The following DMD variants were observed in gnomAD, a reference collection of about 807,000 sequenced individuals.
DMD encodes the protein mutant dystrophin.
Under a neutral mutation model 330.1 loss-of-function variants are expected in DMD, and 63 were observed. The ratio of observed to expected loss-of-function variants is 0.19; its 90% CI spans 0.16 to 0.24. The LOEUF (loss-of-function observed/expected upper bound fraction) is 0.24, where lower values mean the gene tolerates loss of function less well. Ranked by LOEUF, DMD falls within the 10% of genes least tolerant of loss-of-function variation. The pLI, the probability that DMD is intolerant of heterozygous loss-of-function variation, is 1.00. For synonymous variants in DMD, 1,223 were observed against 959.8 expected (o/e 1.27, Z -5.07); for missense variants, 3,344 against 2,684.1 (o/e 1.25, Z -5.43).
rs1030609180 is a variant in DMD, at chrX:31,888,314, G to A, written c.6913-12941C>T. On this transcript the variant is annotated intron_variant, in intron 47 of 78. Transcript: ENST00000357033. ...ACCTAGTAGCTATTTTGTTCCAGCCGCTGCCCTGTATTGCTTCTGTAGTTG... is the reference window on the plus strand; with the variant it reads ...ACCTAGTAGCTATTTTGTTCCAGCCACTGCCCTGTATTGCTTCTGTAGTTG... 6.3e-5 allele frequency among the ~76,000 whole-genome samples: 7 copies of A among 110,968 alleles called. No homozygotes were observed. The East Asian group carries it at 1.1e-3, about 18-fold the overall frequency.
intron 23 of DMD, among the ~76,000 whole-genome samples, chrX:32,467,011 C>A (rs2040098714): frequency 8.9e-6 from 1 of 112,026 alleles, no homozygotes; most frequent in African/African-American, 3.2e-5. Context: ...TCCTTGATAA[C>A]AAGAGCCATG....
At chrX:31,222,621 C>T (rs769516217) in intron 64 of DMD, among the ~76,000 whole-genome samples, 5 of 110,323 alleles carry the variant, frequency 4.5e-5, no homozygotes, top group South Asian at 7.8e-4. Flanking sequence ...TTCATCTGCA[C>T]GTTAGCATTC....
intron 54 of DMD, among the ~76,000 whole-genome samples, chrX:31,637,973 T>C (rs969840032): frequency 3.6e-5 from 4 of 111,664 alleles, no homozygotes; most frequent in Non-Finnish European, 7.5e-5. Context: ...AAATTTTATA[T>C]TAGCCATGAA....
intron 34 of DMD, among the ~76,000 whole-genome samples, chrX:32,374,157 T>A (rs190902769): frequency 2.9e-3 from 319 of 111,678 alleles, no homozygotes; most frequent in Non-Finnish European, 4.9e-3. Context: ...TGTTTTTTTT[T>A]AATTTCTTGT....
intron 44 of DMD, among the ~76,000 whole-genome samples, chrX:32,129,699 T>C (rs1414156608): frequency 1.1e-5 from 1 of 91,071 alleles, no homozygotes; most frequent in East Asian, 3.8e-4. Flanking sequence ...TATATATATA[T>C]AGATATGGAG....
chrX:31,915,553 TA>T (rs760178199), intron 47 of DMD, among the ~76,000 whole-genome samples: 1 of 112,100 alleles, frequency 8.9e-6, no homozygotes, highest in Admixed American at 9.5e-5. Context: ...GTAAGATCCA[TA>T]AAGACAAGTG....
intron 43 of DMD, among the ~76,000 whole-genome samples, chrX:32,241,378 A>T: frequency 8.9e-6 from 1 of 112,728 alleles, no homozygotes; most frequent in Non-Finnish European, 1.9e-5. Context: ...CAGCAAGGCT[A>T]TGTCTTTATT....
intron 7 of DMD, among the ~76,000 whole-genome samples, chrX:32,733,495 C>T (rs764874875): frequency 5.4e-5 from 6 of 110,943 alleles, no homozygotes; most frequent in South Asian, 3.8e-4. Flanking sequence ...TATTCCACAA[C>T]TGACCACATA....
chrX:33,070,396 TAGA>T (rs2094727420), intron 1 of DMD, among the ~76,000 whole-genome samples: 1 of 110,059 alleles, frequency 9.1e-6, no homozygotes, highest in Admixed American at 9.9e-5. Context: ...ACTGCATCAA[TAGA>T]AGAATTGTAT....
At chrX:32,809,809 T>G (rs1280292190) in intron 6 of DMD, among the ~76,000 whole-genome samples, 198 bp from the exon 7 acceptor site, 1 of 105,969 alleles carries the variant, frequency 9.4e-6, no homozygotes, top group Non-Finnish European at 1.9e-5. Context: ...TCATTGGGTG[T>G]GGTGGCTCAT....
At chrX:31,531,022 T>C (rs12384555) in intron 55 of DMD, among the ~76,000 whole-genome samples, 911 of 88,873 alleles carry the variant, frequency 0.01, 2 homozygotes, top group East Asian at 0.027. Context: ...TTTTTATGGC[T>C]GCATAGTATT....
intron 1 of DMD, among the ~76,000 whole-genome samples, chrX:33,070,228 T>C (rs1229463818): frequency 8.9e-6 from 1 of 111,785 alleles, no homozygotes; most frequent in African/African-American, 3.3e-5. Flanking sequence ...TTTTTTTACG[T>C]AGTCACATGT....
At chrX:31,808,659 A>ACTGGTGGGAGTGG (rs1345103960) in intron 50 of DMD, among the ~76,000 whole-genome samples, 21 of 111,414 alleles carry the variant, frequency 1.9e-4, no homozygotes, top group Non-Finnish European at 4.0e-4. Flanking sequence ...TATTGGAAAA[A>ACTGGTGGGAGTGG]ATAAAACTTC....
Position 32,716,347 on chromosome X carries a change from C to A in DMD, c.650-17054G>T, listed in dbSNP as rs139161357. 6.3e-5 allele frequency among the ~76,000 whole-genome samples: 7 copies of A among 110,249 alleles called. No homozygotes were observed. The East Asian group carries it at 2.0e-3, about 32-fold the overall frequency. On this transcript the variant is annotated intron_variant, in intron 7 of 78. Transcript: ENST00000357033. The stretch of plus-strand genomic sequence containing the variant: ...GGTTGTTTAAAAGTGTGTAGTACTG[C>A]CCCCTGCTTTCTCCTCCTTCTCTGG...
At chrX:32,494,066 T>A (rs1024811251) in intron 19 of DMD, among the ~76,000 whole-genome samples, 41 of 111,664 alleles carry the variant, frequency 3.7e-4, no homozygotes, top group Non-Finnish European at 6.4e-4. Context: ...AACTATAAGT[T>A]GATTTTCAAT....
At chrX:32,700,385 T>A (rs760626146) in intron 7 of DMD, among the ~76,000 whole-genome samples, 1 of 110,074 alleles carries the variant, frequency 9.1e-6, no homozygotes, top group Non-Finnish European at 1.9e-5. Flanking sequence ...AAGTAGAGAG[T>A]AGAATGGTGT....
At chrX:32,228,165 T>A (rs1339987036) in intron 43 of DMD, among the ~76,000 whole-genome samples, 1 of 111,438 alleles carries the variant, frequency 9.0e-6, no homozygotes, top group Admixed American at 9.6e-5. Flanking sequence ...TTACCTATGC[T>A]TGGTATCTGA....
At chrX:31,183,868 T>TA (rs564530755) in intron 67 of DMD, among the ~76,000 whole-genome samples, 15 of 70,779 alleles carry the variant, frequency 2.1e-4, no homozygotes, top group South Asian at 5.3e-4. Context: ...CTCCTTTTTT[T>TA]AAAAAAAAAA....
chrX:32,944,811 G>A (rs1484611503), intron 2 of DMD, among the ~76,000 whole-genome samples: 1 of 110,052 alleles, frequency 9.1e-6, no homozygotes, highest in Non-Finnish European at 1.9e-5. Context: ...TCACGATGTT[G>A]GTTAGGCTGG....
Sources: gnomAD v4.1 joint callset for allele counts (sites outside exome capture counted in the v4.1 genomes callset) on GRCh38, gnomAD v4.1.1 for gene constraint, MANE v1.5 for transcripts, NCBI Gene and HGNC (gene_info 2026-07-23, HGNC 2026-07-21) for gene names.